The following SULT1C2 variants were observed in gnomAD, a reference collection of about 807,000 sequenced individuals.
The protein encoded by SULT1C2 is sulfotransferase 1C2.
SULT1C2 carries 27 observed loss-of-function variants against 36.0 expected under a neutral mutation model. The observed-to-expected ratio is 0.75, with a 90% confidence interval of 0.55 to 1.03. SULT1C2 has a LOEUF of 1.03. SULT1C2 is among the 50% of genes least tolerant of loss of function. SULT1C2 has a pLI of 0.00. For missense variants in SULT1C2, 395 were observed against 359.2 expected, an observed-to-expected ratio of 1.10 and a Z score of -0.80; for synonymous variants, 121 against 116.0, an observed-to-expected ratio of 1.04 and a Z score of -0.27.
intron 1 of SULT1C2, among the ~76,000 whole-genome samples, chr2:108,293,369 C>T (rs1343259524): frequency 1.3e-5 from 2 of 151,826 alleles, no homozygotes; most frequent in African/African-American, 4.8e-5. Context: ...GTGATTCCAC[C>T]TAAATAAGGT....
rs1348982303 is a variant in SULT1C2, at chr2:108,309,133, AAGG to A, written c.*675_*677del. 3 of 152,176 alleles carry A rather than the reference AAGG, an allele frequency of 2.0e-5. No individual in the cohort carries two copies. Among genetic ancestry groups the A allele is most frequent in the Non-Finnish European group, 2.9e-5 (2 of 68,062 alleles). The allele number at this position is 152,176 out of a possible 1,614,324, so 9.4% of individuals were successfully genotyped here. A position where few individuals can be genotyped will look rare whatever the true frequency, so the allele number is the denominator to read the frequency against. On this transcript the variant is annotated 3_prime_UTR_variant, in exon 8 of 8. Coordinates refer to ENST00000251481, the MANE Select transcript of SULT1C2 (RefSeq NM_001056.4). The stretch of plus-strand genomic sequence containing the variant: ...CAAGTTACGTCCTGGTGAAAGCAGA[AAGG>A]AGGAGACAGGATGGCTGTCAACAAC...
chr2:108,295,594 T>G (rs542628164), intron 3 of SULT1C2, among the ~76,000 whole-genome samples: 1 of 152,374 alleles, frequency 6.6e-6, no homozygotes, highest in Admixed American at 6.5e-5. Flanking sequence ...CTCTCTGTGT[T>G]ACAGTTTCCT....
At chr2:108,301,145 T>A (rs1324352823) in intron 4 of SULT1C2, 2 of 607,104 alleles carry the variant, frequency 3.3e-6, no homozygotes, top group African/African-American at 3.7e-5. Context: ...CCAGATTGAA[T>A]GTTTGGAGGG....
chr2:108,297,270 A>G (rs1676756021), intron 3 of SULT1C2, among the ~76,000 whole-genome samples: 2 of 151,790 alleles, frequency 1.3e-5, no homozygotes. Context: ...TGAGGGGAAC[A>G]TGGCCAATGA....
rs971624773 is a variant in SULT1C2 at position 108,288,935 on chromosome 2, T to C, written c.-157T>C. The C allele has an allele frequency of 1.2e-4, 19 of 152,552 alleles. No individual in the cohort carries two copies. Among genetic ancestry groups the C allele is most frequent in the African/African-American group, 4.3e-4 (18 of 41,432 alleles). 9.4% of individuals were successfully genotyped at this position (152,552 alleles called of 1,614,324 possible). A position where few individuals can be genotyped will look rare whatever the true frequency, so the allele number is the denominator to read the frequency against. The stretch of plus-strand genomic sequence containing the variant: ...GCCTCCCAAAGTGCTGGCTACCTGC[T>C]GAGCGCCCCCGTAACTCTGACACAG... On this transcript the variant is annotated 5_prime_UTR_variant, in exon 1 of 8. Transcript: ENST00000251481.
chr2:108,301,010 G>C (rs556334636), intron 4 of SULT1C2, 75 bp downstream of exon 4: 1 of 1,566,868 alleles, frequency 6.4e-7, no homozygotes, highest in African/African-American at 1.4e-5. Context: ...CCCCAACGCA[G>C]AGCATTCGTG....
Position 108,305,154 on chromosome 2 carries a change from T to C in SULT1C2, c.503-18T>C, listed in dbSNP as rs774028067. ...GTGATGCCTATGTAGACTATTCTGT[T>C]TCCTGTGTCTATTTCAGTGGTTTGG... is the stretch of plus-strand genomic sequence containing the variant. On this transcript the variant is annotated intron_variant, in intron 5 of 7. Coordinates refer to ENST00000251481, the MANE Select transcript of SULT1C2 (RefSeq NM_001056.4). 4.0e-5 allele frequency: 64 copies of C among 1,613,882 alleles called. No individual in the cohort carries two copies. The highest frequency in any genetic ancestry group is 5.3e-5 in the Non-Finnish European group (62 of 1,179,866).
Position 108,308,457 on chromosome 2 carries a change from A to C in SULT1C2, c.884A>C (p.Glu295Ala). 6.2e-7 allele frequency: 1 copy of C among 1,602,986 alleles called. No homozygotes were observed. Among genetic ancestry groups the C allele is most frequent in the Non-Finnish European group, 8.5e-7 (1 of 1,177,138 alleles). ...GGAACCTCCATAAACTTCTGCATGG[A>C]ACTCTGAGCAAGATGTAAATAAAAT... ...MEGTSINFCM[E>A]L The change falls in exon 8 of 8, where the codon GAA becomes GCA. Residue 295 changes from glutamate to alanine, a missense_variant. Physicochemically the swap from Glu to Ala is moderately radical, Grantham distance 107. Coordinates refer to ENST00000251481, the MANE Select transcript of SULT1C2 (RefSeq NM_001056.4).
Position 108,308,439 on chromosome 2 carries a change from C to G in SULT1C2, c.866C>G (p.Ser289Cys), listed in dbSNP as rs1207232170. 1.2e-6 allele frequency: 2 copies of G among 1,611,340 alleles called. No homozygotes were observed. The highest frequency in any genetic ancestry group is 1.7e-5 in the Admixed American group (1 of 59,196). Residue 289 changes from serine (S) to cysteine (C), a missense_variant, in exon 8 of 8, where the codon TCC becomes TGC. By Grantham distance (112) the Ser-to-Cys change is moderately radical. Transcript: ENST00000251481. ...EIYRRKMEGT[S>C]INFCMEL ...TATAGAAGAAAGATGGAAGGAACCT[C>G]CATAAACTTCTGCATGGAACTCTGA...
At chr2:108,298,673 C>T (rs755991105) in intron 3 of SULT1C2, 2 of 389,282 alleles carry the variant, frequency 5.1e-6, no homozygotes, top group East Asian at 1.2e-4. Flanking sequence ...TGAGCCACTG[C>T]CCCTGGTCTT....
At chr2:108,308,120 G>A (rs1249602484) in intron 7 of SULT1C2, among the ~76,000 whole-genome samples, 2 of 152,198 alleles carry the variant, frequency 1.3e-5, no homozygotes, top group Non-Finnish European at 2.9e-5. Context: ...CAGGCCACTA[G>A]CTGCCTTGGG....
chr2:108,296,417 A>C (rs1370111503), intron 3 of SULT1C2, among the ~76,000 whole-genome samples: 2 of 151,628 alleles, frequency 1.3e-5, no homozygotes, highest in Non-Finnish European at 2.9e-5. Flanking sequence ...CAGACAGCTG[A>C]ATGCTGGCTG....
intron 1 of SULT1C2, among the ~76,000 whole-genome samples, chr2:108,293,381 CAT>C (rs1316630207): frequency 6.6e-6 from 1 of 151,770 alleles, no homozygotes; most frequent in African/African-American, 2.4e-5. Context: ...AAATAAGGTA[CAT>C]AGAGTCCATA....
At chr2:108,307,745 C>T (rs533074872) in intron 7 of SULT1C2, among the ~76,000 whole-genome samples, 3 of 152,132 alleles carry the variant, frequency 2.0e-5, no homozygotes, top group Admixed American at 2.0e-4. Context: ...ACCAAAAATG[C>T]ACAGATCTTA....
intron 7 of SULT1C2, among the ~76,000 whole-genome samples, chr2:108,307,276 C>T (rs996268995): frequency 1.3e-5 from 2 of 152,230 alleles, no homozygotes; most frequent in African/African-American, 4.8e-5. Context: ...ATACACCCTC[C>T]TTCTTCAGAC....
chr2:108,300,746 G>T, intron 3 of SULT1C2, 92 bp from the exon 4 acceptor site: 1 of 1,518,934 alleles, frequency 6.6e-7, no homozygotes, highest in Non-Finnish European at 8.9e-7. Flanking sequence ...AAAGACAGGT[G>T]GGTGATGGGA....
chr2:108,294,374 T>C lies in SULT1C2; in HGVS notation c.277+20T>C. On this transcript the variant is annotated intron_variant, in intron 3 of 7. Transcript: ENST00000251481. ...CTTCTGGTGAGAGCACCTCCCTCTT[T>C]CTCTCTTCCTGCTTTCTTTCCCTCT... 3.1e-6 allele frequency: 5 copies of C among 1,609,132 alleles called. No homozygotes were observed. The highest frequency in any genetic ancestry group is 4.2e-6 in the Non-Finnish European group (5 of 1,177,558).
chr2:108,308,406 A>C lies in SULT1C2; in HGVS notation c.833A>C (p.Asp278Ala). ...ACTGTTGCCCAGAATGAGAGGTTTG[A>C]TGAAATCTATAGAAGAAAGATGGAA... ...HFTVAQNERF[D>A]EIYRRKMEGT... is the part of the protein sequence containing the mutation. The change falls in exon 8 of 8, where the codon GAT (aspartate) becomes GCT (alanine). Residue 278 changes from aspartate to alanine, a missense_variant. Physicochemically the swap from Asp to Ala is moderately radical, Grantham distance 126. Transcript: ENST00000251481. 1.2e-6 allele frequency: 2 copies of C among 1,613,434 alleles called. No homozygotes were observed. Among genetic ancestry groups the C allele is most frequent in the Non-Finnish European group, 1.7e-6 (2 of 1,179,878 alleles).
At chr2:108,302,027 GC>G (rs1558680200) in intron 4 of SULT1C2, 1 of 152,246 alleles carries the variant, frequency 6.6e-6, no homozygotes, top group East Asian at 1.9e-4. Flanking sequence ...AACCCCTGAA[GC>G]CCTTATATGT....
Sources: gnomAD v4.1 joint callset for allele counts (sites outside exome capture counted in the v4.1 genomes callset) on GRCh38, gnomAD v4.1.1 for gene constraint, MANE v1.5 for transcripts, NCBI Gene and HGNC (gene_info 2026-07-23, HGNC 2026-07-21) for gene names.